The following QTMAN variants were observed in gnomAD, a reference collection of about 807,000 sequenced individuals.
The protein encoded by QTMAN is queuosine-tRNA mannosyltransferase.
the QTMAN span, among the ~76,000 whole-genome samples, chr2:144,102,010 A>T: frequency 2.0e-5 from 3 of 152,202 alleles, no homozygotes. Context: ...GTTTCCCATA[A>T]TTTAATTCTC....
the QTMAN span, among the ~76,000 whole-genome samples, chr2:144,312,705 G>A: frequency 6.6e-6 from 1 of 152,160 alleles, no homozygotes; most frequent in Non-Finnish European, 1.5e-5. Context: ...AACCCAGTGG[G>A]AGGTAACTGG....
the QTMAN span, among the ~76,000 whole-genome samples, chr2:144,305,998 A>G: frequency 6.6e-6 from 1 of 152,288 alleles, no homozygotes; most frequent in South Asian, 2.1e-4. Context: ...CTACAAATAG[A>G]GATAGTTTTA....
At chr2:144,242,977 A>G in the QTMAN span, among the ~76,000 whole-genome samples, 81 of 151,166 alleles carry the variant, frequency 5.4e-4, no homozygotes, top group East Asian at 0.014. Context: ...AAAAAAAAAA[A>G]AAAAAAAAGA....
At chr2:144,076,947 G>C in the QTMAN span, among the ~76,000 whole-genome samples, 1 of 149,176 alleles carries the variant, frequency 6.7e-6, no homozygotes, top group African/African-American at 2.5e-5. Flanking sequence ...GGTGAGACTC[G>C]GTCTATTAAA....
chr2:144,063,937 C>T, the QTMAN span, among the ~76,000 whole-genome samples: 2 of 152,126 alleles, frequency 1.3e-5, no homozygotes, highest in African/African-American at 4.8e-5. Flanking sequence ...AAGAAAAATA[C>T]TATAATTAAA....
the QTMAN span, among the ~76,000 whole-genome samples, chr2:144,218,905 G>T: frequency 3.5e-5 from 5 of 141,394 alleles, no homozygotes; most frequent in South Asian, 1.1e-3. Flanking sequence ...TATCTATGAG[G>T]GAAAGTATCT....
At chr2:144,082,264 C>T in the QTMAN span, among the ~76,000 whole-genome samples, 1 of 152,062 alleles carries the variant, frequency 6.6e-6, no homozygotes, top group Non-Finnish European at 1.5e-5. Context: ...TGGAAGAAGA[C>T]TTACAAAGAA....
chr2:144,096,856 A>C, the QTMAN span, among the ~76,000 whole-genome samples: 3 of 152,252 alleles, frequency 2.0e-5, no homozygotes, highest in Non-Finnish European at 2.9e-5. Context: ...AGTTTAAAAC[A>C]TTCCACAGCA....
At chr2:144,293,487 C>T in the QTMAN span, among the ~76,000 whole-genome samples, 16 of 152,162 alleles carry the variant, frequency 1.1e-4, no homozygotes, top group Admixed American at 1.0e-3. Flanking sequence ...ATCTCAGTAA[C>T]AAGATCACAC....
chr2:144,141,915 A>G, the QTMAN span: 4,944 of 1,611,554 alleles, frequency 3.1e-3, 148 homozygotes, highest in African/African-American at 0.06. Flanking sequence ...GGGAAAGTAA[A>G]TAACTTGGCA....
the QTMAN span, among the ~76,000 whole-genome samples, chr2:144,314,446 C>T: frequency 6.6e-6 from 1 of 152,176 alleles, no homozygotes; most frequent in South Asian, 2.1e-4. Context: ...GACGCAGTGG[C>T]TGAAGCCTGT....
chr2:143,939,187 TAGG>T, the QTMAN span: 1 of 152,214 alleles, frequency 6.6e-6, no homozygotes, highest in Non-Finnish European at 1.5e-5. Flanking sequence ...AAGAGCAGAT[TAGG>T]AGTTTTTCTT....
chr2:144,055,385 C>T, the QTMAN span, among the ~76,000 whole-genome samples: 3 of 150,792 alleles, frequency 2.0e-5, no homozygotes, highest in African/African-American at 7.3e-5. Context: ...GAGAGTTTTA[C>T]CTTCTAAAAC....
the QTMAN span, among the ~76,000 whole-genome samples, chr2:144,152,186 A>G: frequency 6.6e-6 from 1 of 152,202 alleles, no homozygotes; most frequent in Non-Finnish European, 1.5e-5. Flanking sequence ...AGCACTGTAT[A>G]CAAAAAAGCA....
chr2:144,191,591 T>C, the QTMAN span, among the ~76,000 whole-genome samples: 1 of 152,190 alleles, frequency 6.6e-6, no homozygotes. Flanking sequence ...CTTAGTATAA[T>C]CATTATTTAT....
chr2:144,105,090 A>G, the QTMAN span, among the ~76,000 whole-genome samples: 2 of 152,236 alleles, frequency 1.3e-5, no homozygotes, highest in African/African-American at 2.4e-5. Flanking sequence ...GGACATCCAC[A>G]GCAAAACACC....
At chr2:144,332,747 T>A in the QTMAN span, among the ~76,000 whole-genome samples, 1 of 151,680 alleles carries the variant, frequency 6.6e-6, no homozygotes, top group Admixed American at 6.6e-5. Flanking sequence ...CTGCCCACTG[T>A]CCCCCGGCCT....
chr2:144,020,904 T>TA, the QTMAN span, among the ~76,000 whole-genome samples: 53 of 144,084 alleles, frequency 3.7e-4, no homozygotes, highest in Middle Eastern at 7.0e-3. Flanking sequence ...AAAATATAAC[T>TA]AAAAAAAAAA....
chr2:144,048,206 G>C, the QTMAN span, among the ~76,000 whole-genome samples: 10 of 152,188 alleles, frequency 6.6e-5, 1 homozygote, highest in South Asian at 1.2e-3. Flanking sequence ...AAACAACTAG[G>C]GAGTAACATT....
Sources: gnomAD v4.1 joint callset for allele counts (sites outside exome capture counted in the v4.1 genomes callset) on GRCh38, gnomAD v4.1.1 for gene constraint, MANE v1.5 for transcripts, NCBI Gene and HGNC (gene_info 2026-07-23, HGNC 2026-07-21) for gene names.